The following GLIS3 variants were observed in gnomAD, a reference collection of about 807,000 sequenced individuals.
GLIS3 encodes the protein GLIS family zinc finger 3, also known as zinc finger protein GLIS3.
GLIS3 carries 53 observed loss-of-function variants against 78.6 expected under a neutral mutation model. The ratio of observed to expected loss-of-function variants is 0.67; its 90% CI spans 0.54 to 0.85. The LOEUF is 0.85. Among genes scored for constraint, GLIS3 ranks in the 40% least tolerant of loss-of-function variants. The pLI is 0.00. For synonymous variants in GLIS3, 684 were observed against 509.9 expected, an observed-to-expected ratio of 1.34 and a Z score of -4.60; for missense variants, 1,703 against 1,231.1, an observed-to-expected ratio of 1.38 and a Z score of -5.74.
chr9:4,386,295 A>G, the GLIS3 span: 1 of 152,342 alleles, frequency 6.6e-6, no homozygotes, highest in East Asian at 1.9e-4. Context: ...ATAGGGCTGC[A>G]ATGAACATTT....
rs572775997 is a variant in GLIS3 at position 4,297,891 on chromosome 9, A to G, written c.-99+1530T>C. On this transcript the variant is annotated intron_variant, in intron 1 of 10. Transcript: ENST00000381971. Reference sequence around the variant, plus strand: ...GGAGGGCGGCCCTTATCGGTTCCCTATAGGACTGGCTTCGCTGCCGGGGTC... The same window carrying G: ...GGAGGGCGGCCCTTATCGGTTCCCTGTAGGACTGGCTTCGCTGCCGGGGTC... Among the ~76,000 whole-genome samples, 18 of 152,132 alleles carry G rather than the reference A, an allele frequency of 1.2e-4. No individual in the cohort carries two copies. In the East Asian group the frequency reaches 3.1e-3, roughly 26 times the overall value.
At chr9:4,273,561 C>G (rs555026916) in intron 2 of GLIS3, among the ~76,000 whole-genome samples, 16 of 151,438 alleles carry the variant, frequency 1.1e-4, no homozygotes, top group African/African-American at 3.9e-4. Flanking sequence ...CCAATGCACT[C>G]CATCCTGGGT....
the GLIS3 span, among the ~76,000 whole-genome samples, chr9:4,384,770 C>T: frequency 6.6e-6 from 1 of 152,040 alleles, no homozygotes; most frequent in Non-Finnish European, 1.5e-5. Flanking sequence ...ACGTGTCTTC[C>T]TCTTCCTACG....
rs555146717 is a variant in GLIS3 at position 4,207,785 on chromosome 9, A to G, written c.388+78253T>C. ...ACAGGCAGCCTGGCCCTGGGCTTGC[A>G]TCCTTAACCATTACACCTCACTTCC... On this transcript the variant is annotated intron_variant, in intron 2 of 10. Transcript: ENST00000381971. Among the ~76,000 whole-genome samples the G allele has an allele frequency of 1.0e-3, 156 of 152,308 alleles. 4 individuals carry two copies. Among genetic ancestry groups the G allele is most frequent in the Admixed American group, 9.2e-3 (141 of 15,294 alleles).
chr9:4,261,986 A>C (rs1825575599), intron 2 of GLIS3, among the ~76,000 whole-genome samples: 1 of 152,202 alleles, frequency 6.6e-6, no homozygotes, highest in Admixed American at 6.5e-5. Context: ...CTGTGTTCTA[A>C]AAGTTCCTGT....
At chr9:4,169,676 A>AT (rs1358406595) in intron 2 of GLIS3, among the ~76,000 whole-genome samples, 1 of 152,206 alleles carries the variant, frequency 6.6e-6, no homozygotes, top group Non-Finnish European at 1.5e-5. Flanking sequence ...GAAACTGTAC[A>AT]TTAACGTATT....
chr9:4,373,674 T>TC, the GLIS3 span, among the ~76,000 whole-genome samples: 6 of 151,392 alleles, frequency 4.0e-5, no homozygotes, highest in African/African-American at 1.5e-4. Context: ...TCTTTTCTTT[T>TC]TTTTTTTTTT....
the GLIS3 span, among the ~76,000 whole-genome samples, chr9:4,392,091 T>A: frequency 1.3e-5 from 2 of 152,150 alleles, no homozygotes; most frequent in Non-Finnish European, 2.9e-5. Context: ...GATCATGTCC[T>A]TTGCAGGGAC....
chr9:4,074,956 G>C (rs1263372315), intron 4 of GLIS3, among the ~76,000 whole-genome samples: 2 of 152,104 alleles, frequency 1.3e-5, no homozygotes, highest in African/African-American at 4.8e-5. Flanking sequence ...ACTTGCTCAA[G>C]GTCACATAGT....
intron 4 of GLIS3, among the ~76,000 whole-genome samples, chr9:3,976,251 T>C (rs1197115935): frequency 6.6e-6 from 1 of 152,062 alleles, no homozygotes; most frequent in Non-Finnish European, 1.5e-5. Flanking sequence ...AGTTAGAAGA[T>C]GAGAGGGGAG....
At chr9:4,373,670 C>G in the GLIS3 span, among the ~76,000 whole-genome samples, 1 of 139,762 alleles carries the variant, frequency 7.2e-6, no homozygotes, top group Non-Finnish European at 1.6e-5. Context: ...ATTTTCTTTT[C>G]TTTTTTTTTT....
intron 4 of GLIS3, among the ~76,000 whole-genome samples, chr9:3,968,953 A>G (rs955456259): frequency 5.3e-5 from 8 of 152,234 alleles, no homozygotes; most frequent in African/African-American, 1.9e-4. Flanking sequence ...GAGTCTAGGG[A>G]CAAGACACCC....
intron 2 of GLIS3, among the ~76,000 whole-genome samples, chr9:4,235,009 G>A (rs1822583660): frequency 6.6e-6 from 1 of 152,086 alleles, no homozygotes; most frequent in South Asian, 2.1e-4. Flanking sequence ...ATAAAAATGT[G>A]ATGAGGGAGC....
chr9:3,836,958 G>A (rs1398971283), intron 9 of GLIS3, among the ~76,000 whole-genome samples: 1 of 152,182 alleles, frequency 6.6e-6, no homozygotes, highest in African/African-American at 2.4e-5. Flanking sequence ...TGGATCTGGA[G>A]GACCCCAGCC....
At chr9:4,087,527 G>C (rs1212960661) in intron 4 of GLIS3, among the ~76,000 whole-genome samples, 3 of 152,158 alleles carry the variant, frequency 2.0e-5, no homozygotes, top group African/African-American at 4.8e-5. Flanking sequence ...AGAGTCTTTA[G>C]TGCCAGGGAA....
At chr9:4,199,437 A>G (rs530306439) in intron 2 of GLIS3, among the ~76,000 whole-genome samples, 1 of 150,610 alleles carries the variant, frequency 6.6e-6, no homozygotes, top group South Asian at 2.1e-4. Context: ...ACAGACTTTT[A>G]TAACATATCA....
At chr9:4,279,862 T>C (rs561053885) in intron 2 of GLIS3, among the ~76,000 whole-genome samples, 5 of 151,322 alleles carry the variant, frequency 3.3e-5, no homozygotes, top group African/African-American at 1.2e-4. Flanking sequence ...TAAAGAGATA[T>C]GACAACCAAA....
intron 4 of GLIS3, among the ~76,000 whole-genome samples, chr9:3,965,121 T>C (rs968993292): frequency 6.6e-6 from 1 of 151,752 alleles, no homozygotes; most frequent in Admixed American, 6.6e-5. Context: ...GGTGCTTAAA[T>C]GCACACAGGA....
chr9:4,160,620 T>C (rs1835399200), intron 2 of GLIS3, among the ~76,000 whole-genome samples: 1 of 152,258 alleles, frequency 6.6e-6, no homozygotes, highest in Non-Finnish European at 1.5e-5. Flanking sequence ...GACAGTTTTG[T>C]CTTATCATGT....
Sources: gnomAD v4.1 joint callset for allele counts (sites outside exome capture counted in the v4.1 genomes callset) on GRCh38, gnomAD v4.1.1 for gene constraint, MANE v1.5 for transcripts, NCBI Gene and HGNC (gene_info 2026-07-23, HGNC 2026-07-21) for gene names.